The following LLGL2 variants were observed in gnomAD, a reference collection of about 807,000 sequenced individuals.
The protein encoded by LLGL2 is LLGL2, scribble cell polarity complex component.
A neutral mutation model predicts 123.2 loss-of-function variants in LLGL2; 81 were observed. That is an observed-to-expected ratio of 0.66 (90% CI 0.55 to 0.79). The LOEUF (loss-of-function observed/expected upper bound fraction) is 0.79. Ranked by LOEUF, LLGL2 falls within the 30% of genes least tolerant of loss-of-function variation. The pLI is 0.00. For synonymous variants in LLGL2, 577 were observed against 594.1 expected (o/e 0.97, Z 0.42); for missense variants, 1,273 against 1,414.6 (o/e 0.90, Z 1.61).
chr17:75,560,523 G>T (rs2147407735), intron 6 of LLGL2, among the ~76,000 whole-genome samples: 1 of 152,080 alleles, frequency 6.6e-6, no homozygotes, highest in Middle Eastern at 3.4e-3. Context: ...TTTCACTCTT[G>T]TTCCCCAGGC....
At chr17:75,572,905 T>C in intron 19 of LLGL2, 109 bp from the exon 20 acceptor site, 1 of 1,331,366 alleles carries the variant, frequency 7.5e-7, no homozygotes, top group Non-Finnish European at 1.0e-6. Context: ...GAGCCAAGGG[T>C]TTGTCAGGAC....
intron 1 of LLGL2, among the ~76,000 whole-genome samples, chr17:75,536,530 G>A (rs755593907): frequency 7.9e-5 from 12 of 152,278 alleles, no homozygotes; most frequent in Non-Finnish European, 1.6e-4. Context: ...CTCAGGTTGC[G>A]GTGGCTGGAG....
chr17:75,546,591 C>T (rs560865340), intron 2 of LLGL2, among the ~76,000 whole-genome samples: 48 of 48,078 alleles, frequency 1.0e-3, no homozygotes, highest in African/African-American at 2.6e-3. Context: ...AGCAGACAGG[C>T]GGAGGGCAGG....
intron 14 of LLGL2, 44 bp downstream of exon 14, chr17:75,569,369 G>A (rs756215557): frequency 1.0e-5 from 15 of 1,483,298 alleles, no homozygotes; most frequent in African/African-American, 5.5e-5. Flanking sequence ...AGGAGTGGTC[G>A]ATGACTGGGG....
At chr17:75,555,340 T>G (rs2054861745) in intron 2 of LLGL2, among the ~76,000 whole-genome samples, 1 of 150,762 alleles carries the variant, frequency 6.6e-6, no homozygotes, top group South Asian at 2.1e-4. Context: ...CCCAGGCTGC[T>G]CTGCCTGCCG....
In LLGL2 at chr17:75,568,475, G is replaced by T; in HGVS notation, c.1037-1G>T. ...CCCCTGACCCTTGCCCTGTACCCCA[G>T]CCTTTGACGACCCCTATGCCCTGGT... On this transcript the variant is annotated splice_acceptor_variant, in intron 10 of 25. Coordinates refer to ENST00000392550, the MANE Select transcript of LLGL2 (RefSeq NM_001031803.2). LOFTEE classifies it high-confidence loss of function. 6.2e-7 allele frequency: 1 copy of T among 1,611,708 alleles called. No individual in the cohort carries two copies.
intron 2 of LLGL2, 104 bp from the exon 3 acceptor site, chr17:75,555,942 G>T: frequency 1.2e-6 from 1 of 841,804 alleles, no homozygotes; most frequent in South Asian, 1.5e-5. Flanking sequence ...GAAAGGTACC[G>T]AAGCCCTGCT....
At chr17:75,566,356 C>T (rs2055442998) in intron 10 of LLGL2, among the ~76,000 whole-genome samples, 3 of 152,186 alleles carry the variant, frequency 2.0e-5, no homozygotes, top group South Asian at 2.1e-4. Context: ...GGAGCAAAGA[C>T]GGGAGCCCAG....
intron 3 of LLGL2, among the ~76,000 whole-genome samples, chr17:75,556,726 G>T (rs1293579453): frequency 6.6e-6 from 1 of 152,220 alleles, no homozygotes; most frequent in African/African-American, 2.4e-5. Context: ...GCAAGTTACA[G>T]GGACCCCTCT....
intron 2 of LLGL2, among the ~76,000 whole-genome samples, chr17:75,551,524 G>A (rs887986968): frequency 6.6e-6 from 1 of 152,156 alleles, no homozygotes; most frequent in African/African-American, 2.4e-5. Context: ...TCCAAGGCTT[G>A]AAGGGAATGA....
chr17:75,537,413 G>A (rs1416473539), intron 1 of LLGL2, among the ~76,000 whole-genome samples: 1 of 152,136 alleles, frequency 6.6e-6, no homozygotes, highest in East Asian at 1.9e-4. Context: ...ATGATCCCAG[G>A]CTGGGTGCGG....
Position 75,562,628 on chromosome 17 carries a change from G to T in LLGL2, c.531-388G>T. The T allele has an allele frequency of 1.7e-5, 4 of 229,586 alleles. No homozygotes were observed. In the East Asian group the frequency reaches 4.1e-4, roughly 23 times the overall value. 14.2% of individuals were successfully genotyped at this position (229,586 alleles called of 1,614,324 possible). On this transcript the variant is annotated intron_variant, in intron 6 of 25. Coordinates refer to ENST00000392550, the MANE Select transcript of LLGL2 (RefSeq NM_001031803.2). ...CTGTCACCCAGGCTGGAGTGCAGTG[G>T]CACGATCTCGGCTCACTGCAACCTC...
chr17:75,573,102 A>T lies in LLGL2; in HGVS notation c.2549A>T (p.His850Leu), dbSNP rs1469017207. ...GSRVRRVSVA[H>L]FGSRRAEDYG... ...AGAGTGCGGCGGGTCAGCGTGGCCC[A>T]CTTCGGCAGTCGTCGAGCCGAGGAC... The change falls in exon 20 of 26, where the codon CAC (histidine) becomes CTC (leucine). Residue 850 changes from histidine (H) to leucine (L), a missense_variant. His to Leu is a moderately conservative substitution (Grantham distance 99). Coordinates refer to ENST00000392550, the MANE Select transcript of LLGL2 (RefSeq NM_001031803.2). 1 of 1,612,758 alleles carries T rather than the reference A, an allele frequency of 6.2e-7. No individual in the cohort carries two copies. Among genetic ancestry groups the T allele is most frequent in the Non-Finnish European group, 8.5e-7 (1 of 1,179,906 alleles).
intron 1 of LLGL2, among the ~76,000 whole-genome samples, chr17:75,537,371 G>T (rs184450872): frequency 1.5e-3 from 234 of 152,118 alleles, no homozygotes; most frequent in African/African-American, 4.5e-3. Flanking sequence ...AGGACTCTGA[G>T]ATAAAATGGT....
In LLGL2 at chr17:75,564,747, C is replaced by T; in HGVS notation, c.1036+240C>T. On this transcript the variant is annotated intron_variant, in intron 10 of 25. Coordinates refer to ENST00000392550, the MANE Select transcript of LLGL2 (RefSeq NM_001031803.2). The surrounding 1 kb of genome is among the most constrained non-coding windows in gnomAD (Gnocchi z 4.9). ...GGTGTTGTGGCACGTACCTGTAGTC[C>T]TAGCTACTCAGGAGGCTGAGGTGGG... The T allele has an allele frequency of 1.9e-6, 1 of 513,764 alleles. No individual in the cohort carries two copies. The highest frequency in any genetic ancestry group is 3.2e-6 in the Non-Finnish European group (1 of 307,946). 31.8% of individuals were successfully genotyped at this position (513,764 alleles called of 1,614,324 possible).
chr17:75,530,644 C>A (rs2053747855), intron 1 of LLGL2, among the ~76,000 whole-genome samples: 1 of 71,078 alleles, frequency 1.4e-5, no homozygotes, highest in African/African-American at 4.0e-5. Context: ...AGCGAGACTC[C>A]ATTTCAAAAA....
intron 9 of LLGL2, 74 bp downstream of exon 9, chr17:75,563,880 C>T: frequency 6.8e-7 from 1 of 1,472,782 alleles, no homozygotes; most frequent in East Asian, 2.3e-5. Flanking sequence ...TAGGCCTCTG[C>T]CTGGGAAGTT....
At chr17:75,571,547 G>T in intron 17 of LLGL2, 120 bp from the exon 18 acceptor site, 1 of 737,210 alleles carries the variant, frequency 1.4e-6, no homozygotes, top group Non-Finnish European at 2.3e-6. Flanking sequence ...GGGCCTGTGT[G>T]GTTGTCAGAG....
At chr17:75,547,083 A>G (rs2054462721) in intron 2 of LLGL2, among the ~76,000 whole-genome samples, 1 of 152,190 alleles carries the variant, frequency 6.6e-6, no homozygotes, top group Admixed American at 6.5e-5. Flanking sequence ...CTTCTGAACC[A>G]GTTCTGGCCT....
Sources: allele counts gnomAD v4.1 joint callset (sites outside exome capture counted in the v4.1 genomes callset), GRCh38; gene constraint gnomAD v4.1.1; non-coding constraint Gnocchi (gnomAD v3.1); transcripts MANE v1.5; gene names NCBI Gene and HGNC (gene_info 2026-07-23, HGNC 2026-07-21).